The following EXT1 variants were observed in gnomAD, a reference collection of about 807,000 sequenced individuals.
EXT1 encodes exostosin glycosyltransferase 1, also known as exostosin-1.
EXT1 carries 20 observed loss-of-function variants against 82.5 expected under a neutral mutation model. The observed-to-expected ratio is 0.24, with a 90% confidence interval of 0.17 to 0.35. EXT1 has a LOEUF of 0.35. Among genes scored for constraint, EXT1 ranks in the 10% least tolerant of loss-of-function variants. The pLI, the probability that EXT1 is intolerant of heterozygous loss-of-function variation, is 1.00. For synonymous variants in EXT1, 348 were observed against 350.8 expected (o/e 0.99, Z 0.09); for missense variants, 757 against 936.5 (o/e 0.81, Z 2.50).
chr8:117,960,994 G>A (rs1233147396), intron 1 of EXT1, among the ~76,000 whole-genome samples: 10 of 152,160 alleles, frequency 6.6e-5, no homozygotes, highest in South Asian at 4.1e-4. Flanking sequence ...AATACTCTGC[G>A]CAAGAGTCAT....
At chr8:118,022,793 C>G (rs1166774950) in intron 1 of EXT1, among the ~76,000 whole-genome samples, 1 of 152,052 alleles carries the variant, frequency 6.6e-6, no homozygotes, top group Non-Finnish European at 1.5e-5. Context: ...AAAGAAACAA[C>G]CAATTACTTC....
intron 1 of EXT1, among the ~76,000 whole-genome samples, chr8:117,837,410 G>A (rs1451770799): frequency 6.6e-6 from 1 of 152,160 alleles, no homozygotes; most frequent in East Asian, 1.9e-4. Context: ...AAAGCAATTA[G>A]GATCCCTTTT....
At position 117,863,813 on chromosome 8, in the gene EXT1, C is replaced by T. The variant is rs567264442; in HGVS notation, c.963-26612G>A. Among the ~76,000 whole-genome samples the T allele has an allele frequency of 5.9e-5, 9 of 152,242 alleles. No individual in the cohort carries two copies. In the South Asian group the frequency reaches 6.2e-4, roughly 11 times the overall value. On this transcript the variant is annotated intron_variant, in intron 1 of 10. Coordinates refer to ENST00000378204, the MANE Select transcript of EXT1 (RefSeq NM_000127.3). ...AAGAAGGTGGAAGGAGCAGAACTAA[C>T]GTAGTTCTTTAAGAAGCCCCGCAGA...
chr8:117,831,632 C>T (rs1203719068), intron 3 of EXT1: 2 of 471,132 alleles, frequency 4.2e-6, no homozygotes, highest in Admixed American at 4.7e-5. Context: ...TAACATATGA[C>T]TAATCCGACA....
rs754221160 is a variant in EXT1, at chr8:117,812,845, T to TG, written c.1722+26dup. ...GAGGTGACTGCCTGAACAGCCCACC[T>TG]GCTGCTCCTCAGGCATGGGTTCTTA... On this transcript the variant is annotated intron_variant, in intron 8 of 10. Transcript: ENST00000378204. The TG allele has an allele frequency of 2.0e-5, 32 of 1,602,670 alleles. No individual in the cohort carries two copies. In the South Asian group the frequency reaches 3.4e-4, roughly 17 times the overall value.
At chr8:117,856,379 C>T (rs1475698544) in intron 1 of EXT1, among the ~76,000 whole-genome samples, 6 of 150,682 alleles carry the variant, frequency 4.0e-5, no homozygotes, top group East Asian at 3.9e-4. Flanking sequence ...CTCAGCCTCC[C>T]GAGTAGCTGG....
intron 2 of EXT1, among the ~76,000 whole-genome samples, chr8:117,836,053 A>C (rs1437679834): frequency 6.6e-6 from 1 of 152,172 alleles, no homozygotes; most frequent in Non-Finnish European, 1.5e-5. Flanking sequence ...GAGTGTTCAC[A>C]TTTCCCTTGC....
chr8:118,011,756 C>A (rs561091374), intron 1 of EXT1, among the ~76,000 whole-genome samples: 78 of 152,336 alleles, frequency 5.1e-4, no homozygotes, highest in African/African-American at 1.8e-3. Flanking sequence ...CAAGATCGGG[C>A]TCCCCTGTGA....
chr8:117,898,672 G>A (rs7822297), intron 1 of EXT1, among the ~76,000 whole-genome samples: 46,467 of 151,978 alleles, frequency 0.31, 7,439 homozygotes, highest in East Asian at 0.37. Context: ...TAAAAAGCAC[G>A]TGACTGGCCT....
At chr8:118,107,638 C>T (rs1817823814) in intron 1 of EXT1, among the ~76,000 whole-genome samples, 1 of 152,216 alleles carries the variant, frequency 6.6e-6, no homozygotes. Flanking sequence ...CAGAGCACGA[C>T]ACACGTTGCT....
chr8:118,000,997 A>G (rs1815654075), intron 1 of EXT1, among the ~76,000 whole-genome samples: 2 of 152,218 alleles, frequency 1.3e-5, no homozygotes, highest in Non-Finnish European at 2.9e-5. Flanking sequence ...CGCTTTCTTC[A>G]TTCGATAATA....
intron 1 of EXT1, among the ~76,000 whole-genome samples, chr8:117,855,646 A>G (rs1184303993): frequency 6.6e-6 from 1 of 152,164 alleles, no homozygotes; most frequent in Non-Finnish European, 1.5e-5. Flanking sequence ...TGTGCAAGTG[A>G]AAGGAAGAGT....
intron 1 of EXT1, among the ~76,000 whole-genome samples, chr8:117,990,157 A>T (rs1450633146): frequency 6.6e-6 from 1 of 152,066 alleles, no homozygotes; most frequent in East Asian, 1.9e-4. Flanking sequence ...TAGGCGACAG[A>T]GCGAGACTCC....
At chr8:117,872,365 C>T (rs1373690932) in intron 1 of EXT1, among the ~76,000 whole-genome samples, 1 of 151,448 alleles carries the variant, frequency 6.6e-6, no homozygotes, top group African/African-American at 2.4e-5. Context: ...TTTACTCAGA[C>T]AATCAAGTTG....
intron 1 of EXT1, among the ~76,000 whole-genome samples, chr8:117,903,854 C>A (rs62521140): frequency 0.26 from 38,846 of 152,032 alleles, 5,711 homozygotes; most frequent in East Asian, 0.36. Context: ...CCAAAAAATC[C>A]GAACTATAAA....
chr8:117,960,828 T>G (rs180812520), intron 1 of EXT1, among the ~76,000 whole-genome samples: 211 of 152,258 alleles, frequency 1.4e-3, no homozygotes, highest in Admixed American at 3.7e-3. Context: ...CTGGGGCAAT[T>G]TGTGTGAGTG....
intron 1 of EXT1, among the ~76,000 whole-genome samples, chr8:118,072,621 G>A (rs953860757): frequency 2.0e-5 from 3 of 152,184 alleles, no homozygotes; most frequent in Admixed American, 1.3e-4. Flanking sequence ...GGATGAGATC[G>A]AAAGCAATGT....
At chr8:117,808,024 C>A (rs1823263392) in intron 8 of EXT1, among the ~76,000 whole-genome samples, 1 of 152,150 alleles carries the variant, frequency 6.6e-6, no homozygotes, top group South Asian at 2.1e-4. Context: ...ACAAGAACAA[C>A]TGAAGCCACA....
At chr8:117,849,286 T>C (rs562061283) in intron 1 of EXT1, among the ~76,000 whole-genome samples, 217 of 152,344 alleles carry the variant, frequency 1.4e-3, no homozygotes, top group African/African-American at 5.0e-3. Context: ...TTTACTGGCT[T>C]ACCTTCTTTC....
Sources: allele counts gnomAD v4.1 joint callset (sites outside exome capture counted in the v4.1 genomes callset), GRCh38; gene constraint gnomAD v4.1.1; transcripts MANE v1.5; gene names NCBI Gene and HGNC (gene_info 2026-07-23, HGNC 2026-07-21).